Variants in NBPF20 observed in about 807,000 individuals in gnomAD.
NBPF20 encodes NBPF family member NBPF20.
In NBPF20, 90 loss-of-function variants were observed where a neutral mutation model predicts 68.1. That is an observed-to-expected ratio of 1.32 (90% confidence interval 1.11 to 1.58). The LOEUF (loss-of-function observed/expected upper bound fraction) is 1.58, where lower values mean the gene tolerates loss of function less well. Ranked by LOEUF, NBPF20 falls within the 40% of genes most tolerant of loss-of-function variation. NBPF20 has a pLI of 0.00. For synonymous variants in NBPF20, 290 were observed against 228.1 expected (o/e 1.27, Z -2.45); for missense variants, 816 against 601.2 (o/e 1.36, Z -3.74).
the NBPF20 span, among the ~76,000 whole-genome samples, chr1:145,411,300 T>C: frequency 6.6e-6 from 1 of 150,956 alleles, no homozygotes; most frequent in Non-Finnish European, 1.5e-5. Context: ...TCCCCACTAA[T>C]TTAGTTCTTT....
the NBPF20 span, among the ~76,000 whole-genome samples, chr1:145,425,068 C>G: frequency 3.3e-5 from 5 of 152,098 alleles, no homozygotes; most frequent in African/African-American, 1.2e-4. Flanking sequence ...GACGTGCCCC[C>G]GAAGCTGCTC....
At chr1:145,290,175 G>C (rs1249922513) in exon 138 of NBPF20, 1 of 147,736 alleles carries the variant, frequency 6.8e-6, no homozygotes, top group African/African-American at 2.5e-5. Context: ...TATAATAATA[G>C]ACACAGGCAG....
intron 137 of NBPF20, 21 bp from the exon 143 acceptor site, chr1:145,291,790 A>T: frequency 2.5e-6 from 4 of 1,611,976 alleles, no homozygotes; most frequent in Non-Finnish European, 3.4e-6. Context: ...AGACAAAACT[A>T]AAGAAGCAGC....
chr1:145,292,613 G>A, intron 136 of NBPF20, 124 bp from the exon 142 acceptor site: 1 of 746,604 alleles, frequency 1.3e-6, no homozygotes, highest in Non-Finnish European at 2.4e-6. Context: ...CACTTTGAGA[G>A]ATATATTTCA....
rs1352886573 is a variant in NBPF20 at position 145,372,497 on chromosome 1, C to G, written c.4369+15G>C. 1.6e-5 allele frequency: 8 copies of G among 515,818 alleles called. No individual in the cohort carries two copies. Among genetic ancestry groups the G allele is most frequent in the Non-Finnish European group, 2.6e-5 (8 of 306,374 alleles). 32.0% of individuals were successfully genotyped at this position (515,818 alleles called of 1,614,324 possible). A position where few individuals can be genotyped will look rare whatever the true frequency, so the allele number is the denominator to read the frequency against. On this transcript the variant is annotated intron_variant, in intron 36 of 137. Transcript: ENST00000369373. ...ACCAGGTGGAGGCTTATCACCTTCA[C>G]AGTAAGATACTCACTGTCCACGTCA... is the stretch of plus-strand genomic sequence containing the variant.
chr1:145,417,800 C>T, the NBPF20 span, among the ~76,000 whole-genome samples: 14 of 141,682 alleles, frequency 9.9e-5, no homozygotes, highest in African/African-American at 7.8e-5. Context: ...ACGGTGAACA[C>T]ACCAAATGCT....
At chr1:145,407,273 T>C (rs1647065915), upstream of NBPF20, among the ~76,000 whole-genome samples, 1 of 148,040 alleles carries the variant, frequency 6.8e-6, no homozygotes, top group Admixed American at 6.8e-5. Flanking sequence ...CACCAGGGCC[T>C]GTCATGGGGT....
At chr1:145,404,204 C>A (rs1344052130) in intron 2 of NBPF20, among the ~76,000 whole-genome samples, 1 of 149,822 alleles carries the variant, frequency 6.7e-6, no homozygotes, top group Non-Finnish European at 1.5e-5. Flanking sequence ...GGAAACAGGA[C>A]TTCGCTCTCA....
chr1:145,404,273 G>GT (rs1553666368), intron 2 of NBPF20, among the ~76,000 whole-genome samples: 1 of 134,714 alleles, frequency 7.4e-6, no homozygotes, highest in East Asian at 2.3e-4. Context: ...TTGTTTGTTT[G>GT]TTTTTTGACG....
intron 137 of NBPF20, among the ~76,000 whole-genome samples, 181 bp from the exon 143 acceptor site, chr1:145,291,950 ATG>A (rs1661137123): frequency 6.6e-6 from 1 of 151,452 alleles, no homozygotes; most frequent in Non-Finnish European, 1.5e-5. Context: ...GTAGAAAACA[ATG>A]AAAGAGAAAG....
intron 119 of NBPF20, among the ~76,000 whole-genome samples, chr1:145,306,316 C>G (rs1238655581): frequency 4.3e-4 from 63 of 147,396 alleles, no homozygotes; most frequent in Admixed American, 1.0e-3. Context: ...CACACACACA[C>G]AGAGAGAGAG....
In NBPF20 at chr1:145,400,727, G is replaced by T. The variant is rs1341641136; in HGVS notation, c.567-133C>A. 5.6e-6 allele frequency: 8 copies of T among 1,418,124 alleles called. No individual in the cohort carries two copies. In the African/African-American group the frequency reaches 7.1e-5, roughly 12 times the overall value. The allele number at this position is 1,418,124 out of a possible 1,614,324, so 87.8% of individuals were successfully genotyped here. A position where few individuals can be genotyped will look rare whatever the true frequency, so the allele number is the denominator to read the frequency against. ...AAAGCAAAATGGAGGTTCCCATTAAGGGGGAACATGCAATCCTGTTCTCTC... is the reference window on the plus strand; with the variant it reads ...AAAGCAAAATGGAGGTTCCCATTAATGGGGAACATGCAATCCTGTTCTCTC... On this transcript the variant is annotated intron_variant, in intron 5 of 137. Transcript: ENST00000369373.
At chr1:145,291,626 T>G in exon 138 of NBPF20, 1 of 1,612,010 alleles carries the variant, frequency 6.2e-7, no homozygotes, top group Admixed American at 1.7e-5. Flanking sequence ...GCTGATGTGC[T>G]GTTCCTCAAA....
chr1:145,421,161 C>A, the NBPF20 span, among the ~76,000 whole-genome samples: 8 of 150,888 alleles, frequency 5.3e-5, no homozygotes, highest in East Asian at 3.9e-4. Flanking sequence ...AAGTTTTCAC[C>A]AAGTAATACT....
At chr1:145,403,308 C>T (rs1462582957) in exon 3 of NBPF20, 1 of 1,607,026 alleles carries the variant, frequency 6.2e-7, no homozygotes, top group South Asian at 1.1e-5. Context: ...GGTCTTTGCA[C>T]TCTTCATATT....
At chr1:145,393,443 TCA>T (rs1216257064) in intron 9 of NBPF20, among the ~76,000 whole-genome samples, 197 bp from the exon 15 acceptor site, 8 of 100,490 alleles carry the variant, frequency 8.0e-5, no homozygotes, top group Admixed American at 7.3e-4. Context: ...AGACACACAC[TCA>T]CACACACACA....
chr1:145,311,889 A>G (rs1379806804), intron 112 of NBPF20, among the ~76,000 whole-genome samples: 3 of 112,574 alleles, frequency 2.7e-5, no homozygotes, highest in Admixed American at 8.5e-5. Flanking sequence ...AGAGTGAAGG[A>G]TGAAATCTAC....
chr1:145,411,316 TTTCTCAAA>T, the NBPF20 span, among the ~76,000 whole-genome samples: 2 of 151,404 alleles, frequency 1.3e-5, no homozygotes, highest in East Asian at 3.9e-4. Context: ...TCTTTCATAA[TTTCTCAAA>T]GCAATTTTTT....
chr1:145,404,627 G>A (rs1236273891), intron 2 of NBPF20, among the ~76,000 whole-genome samples: 1 of 152,156 alleles, frequency 6.6e-6, no homozygotes, highest in African/African-American at 2.4e-5. Context: ...TCCTCTTGAA[G>A]CCCCTCAGAG....
Sources: allele counts gnomAD v4.1 joint callset (sites outside exome capture counted in the v4.1 genomes callset), GRCh38; gene constraint gnomAD v4.1.1; transcripts MANE v1.5; gene names NCBI Gene and HGNC (gene_info 2026-07-23, HGNC 2026-07-21).